Variants in TCF7L2 observed in about 807,000 individuals in gnomAD.
TCF7L2 encodes the protein transcription factor 7 like 2.
A neutral mutation model predicts 77.9 loss-of-function variants in TCF7L2; 23 were observed. The ratio of observed to expected loss-of-function variants is 0.30; its 90% CI spans 0.21 to 0.42. The LOEUF is 0.42. Among genes scored for constraint, TCF7L2 ranks in the 10% least tolerant of loss-of-function variants. The probability of loss-of-function intolerance (pLI) is 1.00; values close to 1 mark genes in which losing one functional copy is unlikely to be tolerated. For missense variants in TCF7L2, 654 were observed against 793.1 expected, an observed-to-expected ratio of 0.82 and a Z score of 2.11; for synonymous variants, 413 against 340.2, an observed-to-expected ratio of 1.21 and a Z score of -2.36.
intron 5 of TCF7L2, among the ~76,000 whole-genome samples, chr10:113,127,649 C>T (rs894092457): frequency 4.6e-5 from 7 of 151,648 alleles, no homozygotes; most frequent in Non-Finnish European, 7.4e-5. Flanking sequence ...CACTTGATCA[C>T]CTTTTGATTT....
At chr10:113,108,297 G>A (rs2062669020) in intron 5 of TCF7L2, among the ~76,000 whole-genome samples, 1 of 152,168 alleles carries the variant, frequency 6.6e-6, no homozygotes, top group South Asian at 2.1e-4. Context: ...GAGGTGAAGT[G>A]GGGAATCGCT....
chr10:113,079,625 T>C (rs905199397), intron 5 of TCF7L2, among the ~76,000 whole-genome samples: 9 of 152,176 alleles, frequency 5.9e-5, no homozygotes, highest in Non-Finnish European at 1.2e-4. Flanking sequence ...TCCAAGAACG[T>C]TGGACCTGTT....
intron 4 of TCF7L2, among the ~76,000 whole-genome samples, chr10:113,025,411 G>A (rs534227394): frequency 6.6e-6 from 1 of 152,116 alleles, no homozygotes; most frequent in Admixed American, 6.5e-5. Context: ...GCTAATTTTT[G>A]TAGTTTTAGT....
intron 10 of TCF7L2, among the ~76,000 whole-genome samples, 173 bp from the exon 11 acceptor site, chr10:113,152,160 G>A (rs942371381): frequency 6.6e-5 from 10 of 152,188 alleles, no homozygotes; most frequent in African/African-American, 2.4e-4. Flanking sequence ...AAACATTCCT[G>A]TTAGTGCCAG....
intron 4 of TCF7L2, among the ~76,000 whole-genome samples, chr10:113,016,451 A>G (rs772230632): frequency 1.3e-5 from 2 of 152,086 alleles, no homozygotes; most frequent in Non-Finnish European, 2.9e-5. Context: ...TTGAGGTGAG[A>G]GGGTGGGGAT....
chr10:112,990,605 G>A (rs1281877805), intron 4 of TCF7L2, among the ~76,000 whole-genome samples: 1 of 152,144 alleles, frequency 6.6e-6, no homozygotes, highest in African/African-American at 2.4e-5. Flanking sequence ...TACTGGGGAG[G>A]CTGAGGTGGG....
At chr10:112,991,113 C>T (rs1211314374) in intron 4 of TCF7L2, among the ~76,000 whole-genome samples, 1 of 152,156 alleles carries the variant, frequency 6.6e-6, no homozygotes, top group Non-Finnish European at 1.5e-5. Context: ...TGGCTTGTCT[C>T]AGCACCTTTG....
chr10:113,046,677 T>C (rs2134424831), intron 5 of TCF7L2, among the ~76,000 whole-genome samples: 1 of 152,344 alleles, frequency 6.6e-6, no homozygotes, highest in South Asian at 2.1e-4. Flanking sequence ...GAATTGCTAA[T>C]TTTGTATTTA....
At chr10:112,965,643 G>A (rs749481770) in intron 4 of TCF7L2, among the ~76,000 whole-genome samples, 1,824 of 142,246 alleles carry the variant, frequency 0.013, 10 homozygotes, top group South Asian at 0.019. Flanking sequence ...GTGTGTGTGT[G>A]TGTGTGTGTG....
intron 5 of TCF7L2, among the ~76,000 whole-genome samples, chr10:113,087,446 C>T (rs1421200170): frequency 6.6e-6 from 1 of 152,240 alleles, no homozygotes; most frequent in African/African-American, 2.4e-5. Flanking sequence ...AACCAAGTCA[C>T]CTTTGGTGGA....
At position 113,078,717 on chromosome 10, in the gene TCF7L2, T is replaced by C. The variant is rs543976646; in HGVS notation, c.552+38591T>C. ...AGGTTGGCTAAGGATTAAGATGTTATCTCCGGTGGCTGAAACATGCCTCTG... is the reference window on the plus strand; with the variant it reads ...AGGTTGGCTAAGGATTAAGATGTTACCTCCGGTGGCTGAAACATGCCTCTG... On this transcript the variant is annotated intron_variant, in intron 5 of 13. Transcript: ENST00000627217. 2.6e-5 allele frequency among the ~76,000 whole-genome samples: 4 copies of C among 152,260 alleles called. No homozygotes were observed. In the South Asian group the frequency reaches 8.3e-4, roughly 32 times the overall value.
intron 4 of TCF7L2, among the ~76,000 whole-genome samples, chr10:112,998,931 T>A (rs922212051): frequency 1.3e-5 from 2 of 152,244 alleles, no homozygotes; most frequent in Non-Finnish European, 2.9e-5. Flanking sequence ...TTCCATGTCC[T>A]CTTCATTAGT....
At chr10:113,139,022 C>T (rs541108323) in intron 5 of TCF7L2, among the ~76,000 whole-genome samples, 6 of 152,272 alleles carry the variant, frequency 3.9e-5, no homozygotes, top group East Asian at 3.9e-4. Context: ...GTCCTGCTCC[C>T]GTGGCACTTG....
chr10:113,117,085 T>G (rs985976368), intron 5 of TCF7L2, among the ~76,000 whole-genome samples: 1 of 152,162 alleles, frequency 6.6e-6, no homozygotes, highest in Non-Finnish European at 1.5e-5. Flanking sequence ...AGTTTCAGAT[T>G]TTAGGTTTTA....
intron 4 of TCF7L2, among the ~76,000 whole-genome samples, chr10:112,983,069 C>T (rs576746640): frequency 3.3e-5 from 5 of 151,970 alleles, no homozygotes; most frequent in African/African-American, 9.6e-5. Flanking sequence ...AAATTAGTGA[C>T]AGCAAGGCAG....
At chr10:113,136,469 G>A (rs892461018) in intron 5 of TCF7L2, among the ~76,000 whole-genome samples, 1 of 152,174 alleles carries the variant, frequency 6.6e-6, no homozygotes, top group African/African-American at 2.4e-5. Flanking sequence ...TTGTCATCAT[G>A]TTTTCAGAGT....
intron 5 of TCF7L2, among the ~76,000 whole-genome samples, chr10:113,082,762 C>A (rs2059440518): frequency 6.6e-6 from 1 of 152,048 alleles, no homozygotes. Context: ...CCTAACAAAC[C>A]CGCCCCTCTG....
At chr10:113,072,273 T>G (rs1333279497) in intron 5 of TCF7L2, among the ~76,000 whole-genome samples, 1 of 151,964 alleles carries the variant, frequency 6.6e-6, no homozygotes, top group Non-Finnish European at 1.5e-5. Context: ...GCCAGGATGG[T>G]GTAGATCTCC....
intron 5 of TCF7L2, among the ~76,000 whole-genome samples, chr10:113,119,189 C>T (rs1292522867): frequency 6.6e-6 from 1 of 152,158 alleles, no homozygotes; most frequent in Non-Finnish European, 1.5e-5. Flanking sequence ...TCAAAATTGA[C>T]ACCTCACGCT....
Sources: allele counts gnomAD v4.1 joint callset (sites outside exome capture counted in the v4.1 genomes callset), GRCh38; gene constraint gnomAD v4.1.1; transcripts MANE v1.5; gene names NCBI Gene and HGNC (gene_info 2026-07-23, HGNC 2026-07-21).